The following HGD variants were observed in gnomAD, a reference collection of about 807,000 sequenced individuals.
HGD encodes homogentisate oxidase.
In HGD, 61 loss-of-function variants were observed where a neutral mutation model predicts 60.8. The ratio of observed to expected loss-of-function variants is 1.00; its 90% CI spans 0.82 to 1.24. The LOEUF (loss-of-function observed/expected upper bound fraction) is 1.24, where lower values mean the gene tolerates loss of function less well. HGD is among the 50% of genes most tolerant of loss of function. The pLI is 0.00. For synonymous variants in HGD, 212 were observed against 187.7 expected, an observed-to-expected ratio of 1.13 and a Z score of -1.06; for missense variants, 542 against 547.1, an observed-to-expected ratio of 0.99 and a Z score of 0.09.
At chr3:120,635,515 C>T (rs576890527) in intron 12 of HGD, among the ~76,000 whole-genome samples, 1 of 144,542 alleles carries the variant, frequency 6.9e-6, no homozygotes, top group Non-Finnish European at 1.5e-5. Context: ...ATCTAGTTGA[C>T]TAAGGCACAT....
At chr3:120,651,782 C>T (rs1941349824) in intron 5 of HGD, among the ~76,000 whole-genome samples, 1 of 152,142 alleles carries the variant, frequency 6.6e-6, no homozygotes, top group Non-Finnish European at 1.5e-5. Context: ...TATTCCAGTA[C>T]TCCTGGGACC....
chr3:120,646,174 G>A (rs1941153218), intron 9 of HGD, 93 bp downstream of exon 9: 1 of 835,694 alleles, frequency 1.2e-6, no homozygotes, highest in Admixed American at 1.8e-5. Context: ...AAGTTTGAGT[G>A]AGACAGCGAA....
At chr3:120,675,049 A>ATC in intron 2 of HGD, 60 bp from the exon 3 acceptor site, 1 of 1,138,562 alleles carries the variant, frequency 8.8e-7, no homozygotes, top group Non-Finnish European at 1.3e-6. Flanking sequence ...CCACCTTCCC[A>ATC]CCAACCAACT....
At chr3:120,633,740 G>A in intron 12 of HGD, 2 of 493,276 alleles carry the variant, frequency 4.1e-6, no homozygotes, top group Non-Finnish European at 6.9e-6. Flanking sequence ...TAGCTCCACT[G>A]TAGGACACAG....
intron 4 of HGD, among the ~76,000 whole-genome samples, chr3:120,666,607 C>T (rs947559946): frequency 5.9e-5 from 9 of 152,158 alleles, no homozygotes; most frequent in Middle Eastern, 3.4e-3. Flanking sequence ...CTCAGCCTCC[C>T]GAGTAGTTGG....
chr3:120,647,109 A>G, intron 7 of HGD, 57 bp from the exon 8 acceptor site: 1 of 1,342,394 alleles, frequency 7.4e-7, no homozygotes, highest in Non-Finnish European at 1.1e-6. Flanking sequence ...TAACCATTTC[A>G]TGAACAGGAA....
At chr3:120,644,139 C>T (rs1024948980) in intron 10 of HGD, among the ~76,000 whole-genome samples, 180 bp downstream of exon 10, 8 of 152,108 alleles carry the variant, frequency 5.3e-5, no homozygotes, top group African/African-American at 1.9e-4. Context: ...TCATTACTGG[C>T]CTTTTCCATG....
intron 2 of HGD, among the ~76,000 whole-genome samples, chr3:120,675,340 T>C (rs1708107290): frequency 6.6e-6 from 1 of 152,074 alleles, no homozygotes; most frequent in South Asian, 2.1e-4. Context: ...CTTTTTTTTT[T>C]TAAGAAATGA....
intron 4 of HGD, among the ~76,000 whole-genome samples, chr3:120,657,924 A>G (rs369010321): frequency 2.0e-5 from 3 of 152,254 alleles, no homozygotes; most frequent in Non-Finnish European, 4.4e-5. Context: ...CTCACTCACT[A>G]TCATGAGGAC....
chr3:120,649,867 A>C (rs1342918527), intron 6 of HGD, among the ~76,000 whole-genome samples: 1 of 152,194 alleles, frequency 6.6e-6, no homozygotes, highest in Non-Finnish European at 1.5e-5. Flanking sequence ...AAGAGGGTGG[A>C]AACGACTCGG....
intron 10 of HGD, among the ~76,000 whole-genome samples, chr3:120,642,099 A>C (rs181304070): frequency 6.6e-6 from 1 of 152,176 alleles, no homozygotes; most frequent in Non-Finnish European, 1.5e-5. Context: ...ATTTCAGCCT[A>C]GAGGAGCTTG....
chr3:120,650,715 C>G, intron 6 of HGD, 59 bp downstream of exon 6: 1 of 1,313,810 alleles, frequency 7.6e-7, no homozygotes, highest in South Asian at 1.2e-5. Flanking sequence ...TGGAGTTTGA[C>G]TTCTGGCCAA....
chr3:120,670,630 C>T, intron 3 of HGD, 98 bp from the exon 4 acceptor site: 1 of 779,582 alleles, frequency 1.3e-6, no homozygotes, highest in South Asian at 1.4e-5. Flanking sequence ...ACACTCAAGT[C>T]AACAACGACC....
At chr3:120,668,696 T>C (rs1180561776) in intron 4 of HGD, among the ~76,000 whole-genome samples, 1 of 152,372 alleles carries the variant, frequency 6.6e-6, no homozygotes, top group African/African-American at 2.4e-5. Flanking sequence ...AGGCATTGTA[T>C]GAAGCAGGTT....
intron 12 of HGD, among the ~76,000 whole-genome samples, chr3:120,634,800 A>G (rs1164523066): frequency 6.6e-6 from 1 of 152,156 alleles, no homozygotes; most frequent in Non-Finnish European, 1.5e-5. Flanking sequence ...AGCCACACCC[A>G]CCCTGCTCAG....
At chr3:120,650,359 C>T (rs535908163) in intron 6 of HGD, among the ~76,000 whole-genome samples, 2 of 152,364 alleles carry the variant, frequency 1.3e-5, no homozygotes, top group African/African-American at 4.8e-5. Context: ...ACCTTGGGCA[C>T]ATGTTCTCAG....
intron 4 of HGD, among the ~76,000 whole-genome samples, chr3:120,655,863 C>T (rs1862939): frequency 0.25 from 37,534 of 152,096 alleles, 4,818 homozygotes; most frequent in Middle Eastern, 0.35. Context: ...CATATAACAA[C>T]AGGTGCTGGT....
chr3:120,665,192 C>T (rs1426629875), intron 4 of HGD, among the ~76,000 whole-genome samples: 1 of 151,930 alleles, frequency 6.6e-6, no homozygotes, highest in African/African-American at 2.4e-5. Flanking sequence ...TGTTTTGAAA[C>T]TTTTTTTTAT....
intron 12 of HGD, among the ~76,000 whole-genome samples, chr3:120,637,230 A>C (rs891031271): frequency 8.6e-5 from 13 of 151,866 alleles, no homozygotes; most frequent in African/African-American, 3.1e-4. Context: ...CCTGCAATTA[A>C]ATCCTGACTC....
Sources: allele counts gnomAD v4.1 joint callset (sites outside exome capture counted in the v4.1 genomes callset), GRCh38; gene constraint gnomAD v4.1.1; transcripts MANE v1.5; gene names NCBI Gene and HGNC (gene_info 2026-07-23, HGNC 2026-07-21).